The following C4orf36 variants were observed in gnomAD, a reference collection of about 807,000 sequenced individuals.
C4orf36 encodes the protein uncharacterized protein C4orf36.
C4orf36 carries 11 observed loss-of-function variants against 12.2 expected under a neutral mutation model. The ratio of observed to expected loss-of-function variants is 0.90; its 90% CI spans 0.57 to 1.49. The LOEUF (loss-of-function observed/expected upper bound fraction) is 1.49, where lower values mean the gene tolerates loss of function less well. C4orf36 is among the 40% of genes most tolerant of loss of function. C4orf36 has a pLI of 0.00. For missense variants in C4orf36, 137 were observed against 133.9 expected (o/e 1.02, Z -0.11); for synonymous variants, 54 against 51.3 (o/e 1.05, Z -0.22).
the C4orf36 span, among the ~76,000 whole-genome samples, chr4:86,900,021 G>A: frequency 6.6e-6 from 1 of 151,658 alleles, no homozygotes; most frequent in South Asian, 2.1e-4. Context: ...TAGCCAAAAT[G>A]TAGGTGTGAT....
At chr4:86,905,138 C>T in the C4orf36 span, among the ~76,000 whole-genome samples, 39 of 151,024 alleles carry the variant, frequency 2.6e-4, no homozygotes, top group African/African-American at 4.6e-4. Context: ...TTTGGGAAGC[C>T]GAGGCAGGCG....
chr4:86,917,421 GAGAA>G, the C4orf36 span, among the ~76,000 whole-genome samples: 6 of 143,834 alleles, frequency 4.2e-5, no homozygotes, highest in Non-Finnish European at 7.6e-5. Flanking sequence ...GGAAGAGAGA[GAGAA>G]AGAAAAAGAA....
At chr4:86,883,999 A>G (rs1303893986) in intron 4 of C4orf36, among the ~76,000 whole-genome samples, 1 of 41,820 alleles carries the variant, frequency 2.4e-5, no homozygotes, top group South Asian at 2.0e-3. Flanking sequence ...CCTGGGTGGG[A>G]AAAAAAAAAT....
rs541374930 is a variant in C4orf36, at chr4:86,887,686, T to G, written c.*2+72A>C. On this transcript the variant is annotated intron_variant, in intron 4 of 4. Transcript: ENST00000295898. ...TCAAATATCTGCCCTGAACTATACA[T>G]AGTGAAAGGTCCAGAGACCTTCATG... is the stretch of plus-strand genomic sequence containing the variant. 5 of 1,578,690 alleles carry G rather than the reference T, an allele frequency of 3.2e-6. No individual in the cohort carries two copies. In the African/African-American group the frequency reaches 6.7e-5, roughly 21 times the overall value.
chr4:86,923,223 C>T, the C4orf36 span, among the ~76,000 whole-genome samples: 1 of 151,864 alleles, frequency 6.6e-6, no homozygotes, highest in Non-Finnish European at 1.5e-5. Context: ...TCCTGAGGAG[C>T]TGAGACTACA....
At chr4:86,896,214 G>A (rs574367029), upstream of C4orf36, among the ~76,000 whole-genome samples, 4 of 152,178 alleles carry the variant, frequency 2.6e-5, no homozygotes, top group South Asian at 2.1e-4. Flanking sequence ...TTTTTGTGCC[G>A]TCCTCATCAC....
upstream of C4orf36, among the ~76,000 whole-genome samples, chr4:86,895,997 T>C (rs1364776549): frequency 6.6e-6 from 1 of 152,244 alleles, no homozygotes; most frequent in Non-Finnish European, 1.5e-5. Context: ...GAAACAATAA[T>C]AGTGTGGTAA....
At chr4:86,927,721 C>G in the C4orf36 span, among the ~76,000 whole-genome samples, 4 of 151,930 alleles carry the variant, frequency 2.6e-5, no homozygotes, top group Non-Finnish European at 5.9e-5. Flanking sequence ...ATTGCTTGAA[C>G]CCGGGAGGTG....
chr4:86,909,257 G>T, the C4orf36 span, among the ~76,000 whole-genome samples: 7 of 152,302 alleles, frequency 4.6e-5, no homozygotes, highest in Admixed American at 4.6e-4. Context: ...TGATGAAAGA[G>T]AATTCTCAAG....
At chr4:86,880,419 A>C (rs1403803125) in intron 4 of C4orf36, among the ~76,000 whole-genome samples, 2 of 152,142 alleles carry the variant, frequency 1.3e-5, no homozygotes, top group Non-Finnish European at 1.5e-5. Flanking sequence ...GCGCCACTGC[A>C]CTCCAGCCTG....
At chr4:86,889,428 T>C (rs1025263150) in intron 2 of C4orf36, among the ~76,000 whole-genome samples, 1 of 151,654 alleles carries the variant, frequency 6.6e-6, no homozygotes, top group Non-Finnish European at 1.5e-5. Context: ...AGTACAAACA[T>C]GTAATGAAAG....
intron 4 of C4orf36, among the ~76,000 whole-genome samples, chr4:86,884,298 AATTTTTT>A (rs1279939519): frequency 1.6e-5 from 2 of 125,246 alleles, no homozygotes; most frequent in African/African-American, 2.8e-5. Context: ...AAAAAGACTG[AATTTTTT>A]TTTTTTTTTT....
At chr4:86,928,197 C>A in the C4orf36 span, among the ~76,000 whole-genome samples, 1 of 152,096 alleles carries the variant, frequency 6.6e-6, no homozygotes, top group African/African-American at 2.4e-5. Context: ...ACTGAAAGAC[C>A]CAAAAGGGGA....
the C4orf36 span, among the ~76,000 whole-genome samples, chr4:86,911,156 T>C: frequency 6.6e-6 from 1 of 152,160 alleles, no homozygotes; most frequent in Non-Finnish European, 1.5e-5. Flanking sequence ...GGTATGTCCT[T>C]TGAAATGCAG....
chr4:86,877,681 C>CAGAT (rs2149419064), intron 4 of C4orf36, among the ~76,000 whole-genome samples: 1 of 152,268 alleles, frequency 6.6e-6, no homozygotes, highest in East Asian at 1.9e-4. Context: ...CCATATGTCA[C>CAGAT]AGATAGAAGA....
the C4orf36 span, among the ~76,000 whole-genome samples, chr4:86,930,386 G>A: frequency 2.0e-5 from 3 of 152,242 alleles, no homozygotes; most frequent in African/African-American, 4.8e-5. Context: ...AGCCATGGAA[G>A]AGCTGAGTTC....
the C4orf36 span, among the ~76,000 whole-genome samples, chr4:86,908,218 C>CACACACAT: frequency 3.3e-3 from 496 of 148,696 alleles, 18 homozygotes; most frequent in East Asian, 0.016. Flanking sequence ...CACACACACA[C>CACACACAT]GTTGCTGGTG....
At chr4:86,927,729 G>T in the C4orf36 span, among the ~76,000 whole-genome samples, 3 of 152,020 alleles carry the variant, frequency 2.0e-5, no homozygotes, top group African/African-American at 7.3e-5. Context: ...AACCCGGGAG[G>T]TGGAGGTTGC....
the C4orf36 span, among the ~76,000 whole-genome samples, chr4:86,923,100 T>C: frequency 6.6e-6 from 1 of 151,294 alleles, no homozygotes; most frequent in Non-Finnish European, 1.5e-5. Flanking sequence ...TTTTTTTTTT[T>C]TTTAATTTTT....
Sources: allele counts gnomAD v4.1 joint callset (sites outside exome capture counted in the v4.1 genomes callset), GRCh38; gene constraint gnomAD v4.1.1; transcripts MANE v1.5; gene names NCBI Gene and HGNC (gene_info 2026-07-23, HGNC 2026-07-21).